PRDM1: variants seen among roughly 807,000 people sequenced by gnomAD.
PRDM1 encodes the protein PR/SET domain 1.
In PRDM1, 13 loss-of-function variants were observed where a neutral mutation model predicts 62.8. The observed-to-expected ratio is 0.21, with a 90% CI of 0.13 to 0.33. The LOEUF is 0.33. Ranked by LOEUF, PRDM1 falls within the 10% of genes least tolerant of loss-of-function variation. The pLI is 1.00. For missense variants in PRDM1, 895 were observed against 1,058.8 expected (o/e 0.85, Z 2.15); for synonymous variants, 396 against 417.6 (o/e 0.95, Z 0.63).
upstream of PRDM1, chr6:106,086,193 A>G (rs1288967400): frequency 3.1e-6 from 1 of 322,658 alleles, no homozygotes; most frequent in African/African-American, 2.1e-5. Context: ...ATGCGAAGAG[A>G]GGAAGCTCTC....
intron 1 of PRDM1, among the ~76,000 whole-genome samples, chr6:106,020,596 C>G (rs542932767): frequency 6.6e-6 from 1 of 152,142 alleles, no homozygotes; most frequent in African/African-American, 2.4e-5. Flanking sequence ...TATAGACCAA[C>G]CTGGATCCAG....
At chr6:106,017,155 G>A (rs986136698) in intron 1 of PRDM1, among the ~76,000 whole-genome samples, 3 of 152,182 alleles carry the variant, frequency 2.0e-5, no homozygotes, top group Admixed American at 2.0e-4. Flanking sequence ...GTCAACAGGA[G>A]ACTATTAGTT....
In PRDM1 at chr6:106,106,652, TTG is replaced by T. The variant is rs1370721836; in HGVS notation, c.1902+155_1902+156del. Among the ~76,000 whole-genome samples the T allele has an allele frequency of 6.6e-6, 1 of 152,208 alleles. No individual in the cohort carries two copies. The highest frequency in any genetic ancestry group is 1.5e-5 in the Non-Finnish European group (1 of 68,044). On this transcript the variant is annotated intron_variant, in intron 6 of 6. Coordinates refer to ENST00000369096, the MANE Select transcript of PRDM1 (RefSeq NM_001198.4). This position sits in a 1 kb window ranked among gnomAD's most constrained non-coding sequence, Gnocchi z 4.4. ...TGGCACTATGGTCCTTCCCAGTACT[TTG>T]TATCTGCTGATGACTTGAGATGGCA...
In PRDM1 at chr6:105,996,101, A is replaced by T. The variant is rs563613274; in HGVS notation, c.-67+2462A>T. ...TTTAAAAGTCAGCCAGATGAGGTGA[A>T]ATCCTTAAAATATAACATATTCCTG... On this transcript the variant is annotated intron_variant, in intron 1 of 6. Transcript: ENST00000652320. Among the ~76,000 whole-genome samples, 271 of 152,336 alleles carry T rather than the reference A, an allele frequency of 1.8e-3. 2 individuals carry two copies. Among genetic ancestry groups the T allele is most frequent in the African/African-American group, 6.3e-3 (263 of 41,572 alleles).
upstream of PRDM1, among the ~76,000 whole-genome samples, chr6:106,082,856 T>C (rs1432347109): frequency 1.3e-5 from 2 of 152,176 alleles, no homozygotes; most frequent in African/African-American, 4.8e-5. Context: ...ATTTTTAAAT[T>C]GATTCAACTC....
rs542320513 is a variant in PRDM1, at chr6:106,071,381, G to A, written c.-66-16820G>A. Among the ~76,000 whole-genome samples, 229 of 151,046 alleles carry A rather than the reference G, an allele frequency of 1.5e-3. 1 individual carries two copies. Among genetic ancestry groups the A allele is most frequent in the African/African-American group, 5.5e-3 (226 of 41,160 alleles). ...ATGTATGTATATGTAAGTCACGTGT[G>A]TATATATATATATACACACACACAC... On this transcript the variant is annotated intron_variant, in intron 1 of 6. Transcript: ENST00000651185.
Position 106,105,415 on chromosome 6 carries a change from G to A in PRDM1, c.1255G>A (p.Gly419Ser), listed in dbSNP as rs758348361. 1 of 1,614,056 alleles carries A rather than the reference G, an allele frequency of 6.2e-7. No homozygotes were observed. The highest frequency in any genetic ancestry group is 2.2e-5 in the East Asian group (1 of 44,870). Residue 419 changes from glycine (G) to serine (S), a missense_variant, in exon 5 of 7, where the codon GGC (glycine) becomes AGC (serine). Around this residue, in one of 4 missense-constraint regions of PRDM1, gnomAD observed 444 missense variants for 422.7 expected, o/e 1.05. Transcript: ENST00000369096. ...CCCCAAGTTCCTCTTGCCCCCCTAC[G>A]GCATGAATTGTAATGGCCTGAGCGC... ...HYPKFLLPPY[G>S]MNCNGLSAVS...
chr6:106,070,780 G>A (rs995888194), intron 1 of PRDM1, among the ~76,000 whole-genome samples: 1 of 152,062 alleles, frequency 6.6e-6, no homozygotes, highest in Non-Finnish European at 1.5e-5. Flanking sequence ...TAACCCTATG[G>A]CATAGTGCTT....
chr6:106,006,642 A>G (rs952765465), intron 1 of PRDM1, among the ~76,000 whole-genome samples: 2 of 152,034 alleles, frequency 1.3e-5, no homozygotes, highest in South Asian at 2.1e-4. Flanking sequence ...GATACCATCA[A>G]AGTATCCTCA....
At chr6:106,071,510 T>C (rs1427401444) in intron 1 of PRDM1, among the ~76,000 whole-genome samples, 1 of 152,166 alleles carries the variant, frequency 6.6e-6, no homozygotes, top group Non-Finnish European at 1.5e-5. Flanking sequence ...TGGTACTGGA[T>C]ATTGCATTGC....
At chr6:106,095,841 C>T in intron 3 of PRDM1, 107 bp downstream of exon 3, 4 of 1,241,264 alleles carry the variant, frequency 3.2e-6, no homozygotes, top group Non-Finnish European at 4.5e-6. Context: ...TGCTGGGGCT[C>T]ACCCATAAGT....
At position 106,104,939 on chromosome 6, in the gene PRDM1, C is replaced by T. The variant is rs1170558903; in HGVS notation, c.779C>T (p.Pro260Leu). The change falls in exon 5 of 7, where the codon CCC becomes CTC. Residue 260 changes from proline to leucine, a missense_variant. Around this residue, in one of 4 missense-constraint regions of PRDM1, gnomAD observed 444 missense variants for 422.7 expected, o/e 1.05. Coordinates refer to ENST00000369096, the MANE Select transcript of PRDM1 (RefSeq NM_001198.4). ...GAAATCCTAAAATTGGACTCCAACC[C>T]CTCCAAAGGAAAGGACCTCTACCGT... Reference protein sequence around the residue: ...VKEILKLDSNPSKGKDLYRSN... With the variant: ...VKEILKLDSNLSKGKDLYRSN... The T allele has an allele frequency of 4.3e-6, 7 of 1,614,104 alleles. No individual in the cohort carries two copies. The highest frequency in any genetic ancestry group is 5.9e-6 in the Non-Finnish European group (7 of 1,180,020).
upstream of PRDM1, among the ~76,000 whole-genome samples, chr6:106,083,223 G>A (rs1466792005): frequency 1.6e-5 from 1 of 61,812 alleles, no homozygotes; most frequent in Admixed American, 1.3e-4. Context: ...GGGGGGTGAG[G>A]GTGGGTGGGT....
At chr6:106,030,616 T>A (rs1011331437) in intron 1 of PRDM1, among the ~76,000 whole-genome samples, 1 of 152,228 alleles carries the variant, frequency 6.6e-6, no homozygotes, top group African/African-American at 2.4e-5. Flanking sequence ...AGTCCAAGGT[T>A]GTAAATATAT....
chr6:106,083,479 C>T (rs370142885), upstream of PRDM1, among the ~76,000 whole-genome samples: 1 of 152,074 alleles, frequency 6.6e-6, no homozygotes, highest in Non-Finnish European at 1.5e-5. Context: ...CTACAATAGT[C>T]CTTTCCCTAT....
intron 1 of PRDM1, among the ~76,000 whole-genome samples, chr6:105,996,208 A>G (rs1772347131): frequency 6.6e-6 from 1 of 152,182 alleles, no homozygotes; most frequent in Non-Finnish European, 1.5e-5. Flanking sequence ...ATAGCTTTCA[A>G]ATATGTATAA....
At chr6:106,104,764 G>A in intron 4 of PRDM1, 61 bp from the exon 5 acceptor site, 1 of 1,517,482 alleles carries the variant, frequency 6.6e-7, no homozygotes, top group Non-Finnish European at 8.8e-7. Context: ...GAGCAACTTT[G>A]GCAGTTTTGC....
rs751305148 is a variant in PRDM1 at position 106,088,205 on chromosome 6, C to T, written c.47C>T (p.Ala16Val). The part of the protein sequence containing the change: ...LEKRVGTTLA[A>V]PKCNSSTVRF... ...GGCCTTTCCTTTCTCTTCCAGGCTGCCCCCAAGTGTAACTCCAGCACTGTG... is the reference window on the plus strand; with the variant it reads ...GGCCTTTCCTTTCTCTTCCAGGCTGTCCCCAAGTGTAACTCCAGCACTGTG... The change falls in exon 2 of 7, where the codon GCC becomes GTC. Residue 16 changes from alanine to valine, a missense_variant. Physicochemically the swap from Ala to Val is moderately conservative, Grantham distance 64. Transcript: ENST00000369096. 56 of 1,606,504 alleles carry T rather than the reference C, an allele frequency of 3.5e-5. No homozygotes were observed. Among genetic ancestry groups the T allele is most frequent in the Non-Finnish European group, 4.3e-5 (50 of 1,176,324 alleles).
intron 1 of PRDM1, among the ~76,000 whole-genome samples, chr6:106,058,300 C>T (rs550624233): frequency 6.6e-6 from 1 of 152,296 alleles, no homozygotes; most frequent in Admixed American, 6.5e-5. Context: ...GACAACTTCT[C>T]ACTTGTTGTA....
Sources: allele counts gnomAD v4.1 joint callset (sites outside exome capture counted in the v4.1 genomes callset), GRCh38; gene constraint gnomAD v4.1.1; regional missense constraint gnomAD v4.1.1; non-coding constraint Gnocchi (gnomAD v3.1); transcripts MANE v1.5; gene names NCBI Gene and HGNC (gene_info 2026-07-23, HGNC 2026-07-21).